NUP37: variants seen among roughly 807,000 people sequenced by gnomAD.
NUP37 encodes nucleoporin 37.
Under a neutral mutation model 45.4 loss-of-function variants are expected in NUP37, and 33 were observed. That is an observed-to-expected ratio of 0.73 (90% CI 0.55 to 0.97). The LOEUF (loss-of-function observed/expected upper bound fraction) is 0.97. Ranked by LOEUF, NUP37 falls within the 50% of genes least tolerant of loss-of-function variation. The pLI, the probability that NUP37 is intolerant of heterozygous loss-of-function variation, is 0.00. For synonymous variants in NUP37, 127 were observed against 130.7 expected (o/e 0.97, Z 0.19); for missense variants, 365 against 389.7 (o/e 0.94, Z 0.53).
At chr12:102,085,314 C>T (rs566054842) in intron 6 of NUP37, among the ~76,000 whole-genome samples, 45 of 152,174 alleles carry the variant, frequency 3.0e-4, no homozygotes, top group Middle Eastern at 6.8e-3. Context: ...CCCAGCTACT[C>T]AGGAGGCTGA....
At chr12:102,076,903 C>A in intron 7 of NUP37, 56 bp from the exon 8 acceptor site, 1 of 1,273,944 alleles carries the variant, frequency 7.8e-7, no homozygotes, top group South Asian at 1.2e-5. Flanking sequence ...AGTGGGTGAA[C>A]TTAAGGTTTA....
chr12:102,099,111 G>A lies in NUP37; in HGVS notation c.444C>T (p.Thr148=), dbSNP rs749852340. Residue 148 remains threonine (T), a synonymous_variant, in exon 5 of 10, where the codon ACC becomes ACT. Coordinates refer to ENST00000552283, the MANE Select transcript of NUP37 (RefSeq NM_024057.4). The part of the protein sequence containing the change: ...QEIASVSDDH[T]CRIWNLEGVQ... ...TTATAACATAAGCAACATACCTGCA[G>A]GTGTGATCGTCACTCACACTTGCAA... 3.1e-6 allele frequency: 5 copies of A among 1,595,698 alleles called. No homozygotes were observed. Among genetic ancestry groups the A allele is most frequent in the South Asian group, 2.2e-5 (2 of 90,760 alleles).
rs764999977 is a variant in NUP37 at position 102,073,382 on chromosome 12, C to A, written c.*972G>T. The stretch of plus-strand genomic sequence containing the variant: ...AGGGTGAACACAGTTCCATTGCCAA[C>A]AGGTCCCATCTCAAAAACACTTAAG... On this transcript the variant is annotated 3_prime_UTR_variant, in exon 10 of 10. Transcript: ENST00000552283. 6.6e-6 allele frequency: 1 copy of A among 152,098 alleles called. No homozygotes were observed. The highest frequency in any genetic ancestry group is 1.5e-5 in the Non-Finnish European group (1 of 68,016). 9.4% of individuals were successfully genotyped at this position (152,098 alleles called of 1,614,324 possible). A position where few individuals can be genotyped will look rare whatever the true frequency, so the allele number is the denominator to read the frequency against.
At chr12:102,096,531 A>G (rs1431499613) in intron 5 of NUP37, among the ~76,000 whole-genome samples, 1 of 152,178 alleles carries the variant, frequency 6.6e-6, no homozygotes, top group Non-Finnish European at 1.5e-5. Flanking sequence ...TGGAAATGTC[A>G]AAGTGAAACA....
chr12:102,114,727 C>A (rs562673293), intron 2 of NUP37, among the ~76,000 whole-genome samples: 47 of 152,210 alleles, frequency 3.1e-4, no homozygotes, highest in African/African-American at 1.1e-3. Context: ...TTCTTTCCCC[C>A]CAATGCTTGA....
intron 6 of NUP37, among the ~76,000 whole-genome samples, chr12:102,082,296 A>G (rs1879350643): frequency 6.6e-6 from 1 of 151,976 alleles, no homozygotes; most frequent in Non-Finnish European, 1.5e-5. Context: ...GAGATAGGTA[A>G]TCATGAACTC....
At chr12:102,080,889 A>G (rs949926422) in intron 6 of NUP37, among the ~76,000 whole-genome samples, 1 of 152,206 alleles carries the variant, frequency 6.6e-6, no homozygotes, top group Admixed American at 6.5e-5. Context: ...GTGACTTGAA[A>G]GATCTTGAGA....
At chr12:102,082,351 TAA>T (rs1286954288) in intron 6 of NUP37, among the ~76,000 whole-genome samples, 1 of 152,132 alleles carries the variant, frequency 6.6e-6, no homozygotes, top group Non-Finnish European at 1.5e-5. Flanking sequence ...AGGCCAAGCA[TAA>T]GAGGCTAACA....
chr12:102,077,075 A>C, intron 7 of NUP37: 1 of 610,324 alleles, frequency 1.6e-6, no homozygotes, highest in East Asian at 2.8e-5. Flanking sequence ...CTTATTTTCC[A>C]ATATAAGTCA....
In NUP37 at chr12:102,085,771, A is replaced by C. The variant is rs754746162; in HGVS notation, c.535T>G (p.Phe179Val). 5 of 1,520,572 alleles carry C rather than the reference A, an allele frequency of 3.3e-6. No homozygotes were observed. In the African/African-American group the frequency reaches 6.9e-5, roughly 21 times the overall value. The allele number at this position is 1,520,572 out of a possible 1,614,324, so 94.2% of individuals were successfully genotyped here. ...MSVCWHPEETFKLMVAEKNGT... is the reference protein window; with the variant it reads ...MSVCWHPEETVKLMVAEKNGT... ...GTTAAATTATAAATAATAACCTTAA[A>C]AGTCTCCTCAGGATGCCAGCACACA... is the stretch of plus-strand genomic sequence containing the variant. Residue 179 changes from phenylalanine to valine, a missense_variant, in exon 6 of 10, where the codon TTT becomes GTT. Coordinates refer to ENST00000552283, the MANE Select transcript of NUP37 (RefSeq NM_024057.4).
At chr12:102,106,060 G>C (rs923565821) in intron 3 of NUP37, among the ~76,000 whole-genome samples, 2 of 152,034 alleles carry the variant, frequency 1.3e-5, no homozygotes, top group Non-Finnish European at 2.9e-5. Flanking sequence ...ACACAGAGGA[G>C]ATATGAAGGG....
chr12:102,087,926 T>A (rs1879518312), intron 5 of NUP37, among the ~76,000 whole-genome samples: 1 of 152,238 alleles, frequency 6.6e-6, no homozygotes, highest in African/African-American at 2.4e-5. Context: ...TGAACCAAAG[T>A]TTTACCTAAT....
At position 102,078,139 on chromosome 12, in the gene NUP37, C is replaced by G. The variant is rs1449386248; in HGVS notation, c.541-636G>C. On this transcript the variant is annotated intron_variant, in intron 6 of 9. Transcript: ENST00000552283. ...GGTCAGGAGTTCGAGATCAGCCTGG[C>G]CAACATGGTGAAACCCCGTCTCTAC... Among the ~76,000 whole-genome samples the G allele has an allele frequency of 2.7e-5, 4 of 150,866 alleles. No individual in the cohort carries two copies. The East Asian group carries it at 5.9e-4, about 22-fold the overall frequency.
chr12:102,117,745 T>C (rs1290760810), intron 2 of NUP37, among the ~76,000 whole-genome samples: 1 of 152,230 alleles, frequency 6.6e-6, no homozygotes, highest in Non-Finnish European at 1.5e-5. Flanking sequence ...AGTTTCCTCA[T>C]GTTTACAGGA....
intron 2 of NUP37, chr12:102,115,833 C>A: frequency 1.0e-6 from 1 of 981,712 alleles, no homozygotes; most frequent in South Asian, 4.7e-5. Context: ...AGACAAGAGG[C>A]ATGAAACTGG....
intron 7 of NUP37, 40 bp downstream of exon 7, chr12:102,077,281 CT>C: frequency 1.2e-6 from 2 of 1,600,128 alleles, no homozygotes; most frequent in Non-Finnish European, 1.7e-6. Context: ...CAGTTACTGC[CT>C]TTTTTTGGTG....
At chr12:102,085,410 A>T (rs1207186745) in intron 6 of NUP37, among the ~76,000 whole-genome samples, 1 of 152,180 alleles carries the variant, frequency 6.6e-6, no homozygotes, top group African/African-American at 2.4e-5. Flanking sequence ...TGACAGAGTG[A>T]GACCCTGTCT....
intron 5 of NUP37, among the ~76,000 whole-genome samples, chr12:102,092,177 A>T (rs546571773): frequency 3.9e-5 from 6 of 152,212 alleles, no homozygotes; most frequent in Non-Finnish European, 8.8e-5. Context: ...TTGCTAGGAA[A>T]TTCATCGCAG....
chr12:102,093,861 CT>C (rs1438992446), intron 5 of NUP37, among the ~76,000 whole-genome samples: 1 of 151,994 alleles, frequency 6.6e-6, no homozygotes, highest in Non-Finnish European at 1.5e-5. Flanking sequence ...ACTGTAGTCA[CT>C]GATTTGGTGA....
Sources: gnomAD v4.1 joint callset for allele counts (sites outside exome capture counted in the v4.1 genomes callset) on GRCh38, gnomAD v4.1.1 for gene constraint, MANE v1.5 for transcripts, NCBI Gene and HGNC (gene_info 2026-07-23, HGNC 2026-07-21) for gene names.